The following KCNJ6 variants were observed in gnomAD, a reference collection of about 807,000 sequenced individuals.
KCNJ6 encodes potassium inwardly rectifying channel subfamily J member 6.
A neutral mutation model predicts 34.2 loss-of-function variants in KCNJ6; 9 were observed. The ratio of observed to expected loss-of-function variants is 0.26; its 90% CI spans 0.16 to 0.46. KCNJ6 has a LOEUF of 0.46. Ranked by LOEUF, KCNJ6 falls within the 20% of genes least tolerant of loss-of-function variation. The pLI is 1.00. For synonymous variants in KCNJ6, 196 were observed against 207.1 expected, an observed-to-expected ratio of 0.95 and a Z score of 0.46; for missense variants, 236 against 531.3, an observed-to-expected ratio of 0.44 and a Z score of 5.46.
intron 1 of KCNJ6, among the ~76,000 whole-genome samples, chr21:37,884,029 T>G (rs1016583243): frequency 6.6e-6 from 1 of 152,190 alleles, no homozygotes; most frequent in Non-Finnish European, 1.5e-5. Context: ...GTGGTAAGTC[T>G]ATGTGTCTCC....
intron 3 of KCNJ6, among the ~76,000 whole-genome samples, chr21:37,702,803 T>G (rs1033598581): frequency 1.3e-5 from 2 of 151,842 alleles, no homozygotes; most frequent in East Asian, 3.9e-4. Context: ...CTTATTGAGG[T>G]AGGAGGGAAA....
chr21:37,865,316 G>GA (rs2055617193), intron 1 of KCNJ6, among the ~76,000 whole-genome samples: 1 of 152,130 alleles, frequency 6.6e-6, no homozygotes, highest in African/African-American at 2.4e-5. Flanking sequence ...CCATTATACA[G>GA]AAAAAAAGTG....
intron 2 of KCNJ6, among the ~76,000 whole-genome samples, chr21:37,722,415 T>C (rs1407585338): frequency 1.3e-5 from 2 of 152,202 alleles, no homozygotes; most frequent in South Asian, 2.1e-4. Flanking sequence ...ACCAATGTCA[T>C]TTTTCACAGA....
chr21:37,749,664 TA>T (rs2123482137), intron 2 of KCNJ6, among the ~76,000 whole-genome samples: 1 of 152,302 alleles, frequency 6.6e-6, no homozygotes. Context: ...AGCAAGGAGC[TA>T]GGAAAGTTAT....
chr21:37,855,911 G>A (rs569842620), intron 1 of KCNJ6, among the ~76,000 whole-genome samples: 1 of 152,312 alleles, frequency 6.6e-6, no homozygotes, highest in African/African-American at 2.4e-5. Context: ...GCCAAGCACG[G>A]CCAGGGGCCT....
chr21:37,753,129 A>G (rs953931803), intron 2 of KCNJ6, among the ~76,000 whole-genome samples: 1 of 152,228 alleles, frequency 6.6e-6, no homozygotes, highest in Non-Finnish European at 1.5e-5. Flanking sequence ...ACATGTGCAC[A>G]GGGTGGCAAA....
rs570786349 is a variant in KCNJ6, at chr21:37,868,549, G to GA, written c.-27-27841dup. 1.8e-3 allele frequency among the ~76,000 whole-genome samples: 278 copies of GA among 152,294 alleles called. 1 individual carries two copies. The highest frequency in any genetic ancestry group is 6.3e-3 in the African/African-American group (263 of 41,554). ...AAGCTGAGTTCCAGACAAGGGAGGA[G>GA]AAACATCTCTCTGGGATTTGTGGGA... On this transcript the variant is annotated intron_variant, in intron 1 of 3. Coordinates refer to ENST00000609713, the MANE Select transcript of KCNJ6 (RefSeq NM_002240.5).
chr21:37,627,541 C>T (rs1036863280), intron 3 of KCNJ6, among the ~76,000 whole-genome samples: 2 of 152,094 alleles, frequency 1.3e-5, no homozygotes, highest in African/African-American at 4.8e-5. Context: ...CTTTTTCCAC[C>T]AAGGAAGTAC....
intron 2 of KCNJ6, among the ~76,000 whole-genome samples, chr21:37,814,323 G>A (rs1315710414): frequency 6.6e-6 from 1 of 152,204 alleles, no homozygotes; most frequent in Non-Finnish European, 1.5e-5. Context: ...CTTGTATGCT[G>A]TTGGTGAGAA....
rs560030720 is a variant in KCNJ6, at chr21:37,797,089, T to A, written c.25+43569A>T. Among the ~76,000 whole-genome samples the A allele has an allele frequency of 8.6e-5, 13 of 151,798 alleles. No individual in the cohort carries two copies. In the South Asian group the frequency reaches 2.7e-3, roughly 32 times the overall value. ...CTTTCTTTCTTTTTTTAAGATGGAG[T>A]CTTACTTTGTTGCCCAGGCTGGAGT... is the stretch of plus-strand genomic sequence containing the variant. On this transcript the variant is annotated intron_variant, in intron 2 of 3. Coordinates refer to ENST00000609713, the MANE Select transcript of KCNJ6 (RefSeq NM_002240.5).
intron 2 of KCNJ6, among the ~76,000 whole-genome samples, chr21:37,830,406 T>C (rs567208174): frequency 7.2e-4 from 110 of 152,264 alleles, no homozygotes; most frequent in African/African-American, 2.5e-3. Flanking sequence ...ATCTACAGCA[T>C]TGATTTTCAA....
rs202060358 is a variant in KCNJ6 at position 37,675,865 on chromosome 21, CGGGGGTGGGGGT to C, written c.946+38334_946+38345del. 5.5e-3 allele frequency among the ~76,000 whole-genome samples: 774 copies of C among 141,698 alleles called. 7 individuals carry two copies. Among genetic ancestry groups the C allele is most frequent in the African/African-American group, 9.3e-3 (371 of 39,880 alleles). 93.0% of individuals were successfully genotyped at this position (141,698 alleles called of 152,430 possible). On this transcript the variant is annotated intron_variant, in intron 3 of 3. Transcript: ENST00000609713. The surrounding 1 kb of genome is among the most constrained non-coding windows in gnomAD (Gnocchi z 4.2). ...CCCTGACCCCAACCCATGTCAATAGCGGGGGTGGGGGTGGGGGTGGGGGTGGGGTGCGCCGAC... is the reference window on the plus strand; with the variant it reads ...CCCTGACCCCAACCCATGTCAATAGCGGGGGTGGGGGTGGGGTGCGCCGAC...
chr21:37,895,873 C>G (rs1014116898), intron 1 of KCNJ6, among the ~76,000 whole-genome samples: 1 of 152,218 alleles, frequency 6.6e-6, no homozygotes, highest in Non-Finnish European at 1.5e-5. Context: ...GGTGAAATCT[C>G]ACCCCTAAAA....
intron 3 of KCNJ6, among the ~76,000 whole-genome samples, chr21:37,657,976 C>A (rs948556211): frequency 6.6e-6 from 1 of 152,192 alleles, no homozygotes; most frequent in Admixed American, 6.5e-5. Flanking sequence ...CCTTGCCTTG[C>A]CTTGCAGGGC....
chr21:37,683,380 C>T (rs140404199), intron 3 of KCNJ6, among the ~76,000 whole-genome samples: 1 of 152,264 alleles, frequency 6.6e-6, no homozygotes, highest in African/African-American at 2.4e-5. Flanking sequence ...TTAAAAACAG[C>T]ATTTAAAGAG....
At position 37,635,429 on chromosome 21, in the gene KCNJ6, G is replaced by A. The variant is rs180852862; in HGVS notation, c.947-9945C>T. Reference sequence around the variant, plus strand: ...GATGGGGTTTTGCCATGTTGGACAGGCTGGTCTCGAATTCCTGACCTCAGG... The same window carrying A: ...GATGGGGTTTTGCCATGTTGGACAGACTGGTCTCGAATTCCTGACCTCAGG... On this transcript the variant is annotated intron_variant, in intron 3 of 3. Transcript: ENST00000609713. Among the ~76,000 whole-genome samples the A allele has an allele frequency of 3.3e-5, 5 of 152,216 alleles. No individual in the cohort carries two copies. The East Asian group carries it at 9.7e-4, about 29-fold the overall frequency.
At chr21:37,784,347 T>C (rs1036428568) in intron 2 of KCNJ6, among the ~76,000 whole-genome samples, 1 of 152,194 alleles carries the variant, frequency 6.6e-6, no homozygotes, top group Admixed American at 6.5e-5. Context: ...CAAGACTGCT[T>C]TGTCCAAAGG....
chr21:37,681,052 G>C (rs2054588354), intron 3 of KCNJ6, among the ~76,000 whole-genome samples: 1 of 152,212 alleles, frequency 6.6e-6, no homozygotes, highest in South Asian at 2.1e-4. Context: ...CAAGGACACT[G>C]GGCCTGAGGA....
chr21:37,852,242 A>T (rs2055541223), intron 1 of KCNJ6, among the ~76,000 whole-genome samples: 1 of 151,922 alleles, frequency 6.6e-6, no homozygotes, highest in South Asian at 2.1e-4. Context: ...GGACAGTGAG[A>T]CTCCCTGGAG....
Sources: gnomAD v4.1 joint callset for allele counts (sites outside exome capture counted in the v4.1 genomes callset) on GRCh38, gnomAD v4.1.1 for gene constraint, Gnocchi (gnomAD v3.1) non-coding constraint, MANE v1.5 for transcripts, NCBI Gene and HGNC (gene_info 2026-07-23, HGNC 2026-07-21) for gene names.